The following CNTNAP5 variants were observed in gnomAD, a reference collection of about 807,000 sequenced individuals.
CNTNAP5 encodes the protein contactin-associated protein-like 5.
Under a neutral mutation model 150.2 loss-of-function variants are expected in CNTNAP5, and 72 were observed. That is an observed-to-expected ratio of 0.48 (90% CI 0.40 to 0.58). The LOEUF (loss-of-function observed/expected upper bound fraction) is 0.58, where lower values mean the gene tolerates loss of function less well. Among genes scored for constraint, CNTNAP5 ranks in the 20% least tolerant of loss-of-function variants. The probability of loss-of-function intolerance (pLI) is 0.00; values close to 1 mark genes in which losing one functional copy is unlikely to be tolerated. For synonymous variants in CNTNAP5, 672 were observed against 619.8 expected, an observed-to-expected ratio of 1.08 and a Z score of -1.25; for missense variants, 1,636 against 1,626.2, an observed-to-expected ratio of 1.01 and a Z score of -0.10.
At chr2:124,621,623 T>C (rs759588140) in intron 12 of CNTNAP5, among the ~76,000 whole-genome samples, 18 of 152,190 alleles carry the variant, frequency 1.2e-4, no homozygotes, top group Non-Finnish European at 2.2e-4. Context: ...ATCCCAGGTA[T>C]TGACATAAAG....
At position 124,527,324 on chromosome 2, in the gene CNTNAP5, C is replaced by A; in HGVS notation, c.1517C>A (p.Pro506His). 6.2e-7 allele frequency: 1 copy of A among 1,613,624 alleles called. No homozygotes were observed. The highest frequency in any genetic ancestry group is 8.5e-7 in the Non-Finnish European group (1 of 1,179,684). The change falls in exon 10 of 24, where the codon CCC (proline) becomes CAC (histidine). Residue 506 changes from proline (P) to histidine (H), a missense_variant. Coordinates refer to ENST00000682447, the MANE Select transcript of CNTNAP5 (RefSeq NM_001367498.1). ...DNLTDSQCLN[P>H]IKAFQGCMRL... ...CTCACCGATTCCCAATGTTTAAATC[C>A]CATTAAGGCTTTCCAAGGCTGCATG...
chr2:124,130,756 C>G (rs1683824915), intron 1 of CNTNAP5, among the ~76,000 whole-genome samples: 1 of 152,034 alleles, frequency 6.6e-6, no homozygotes, highest in African/African-American at 2.4e-5. Flanking sequence ...GAATATATGC[C>G]ATACTAGGCC....
chr2:124,404,928 A>G (rs1225495392), intron 3 of CNTNAP5, among the ~76,000 whole-genome samples: 3 of 152,132 alleles, frequency 2.0e-5, no homozygotes, highest in Non-Finnish European at 4.4e-5. Context: ...AGCTTTGTTA[A>G]GAATCATATG....
chr2:124,261,468 C>T (rs1025466881), intron 3 of CNTNAP5, among the ~76,000 whole-genome samples: 2 of 152,162 alleles, frequency 1.3e-5, no homozygotes, highest in East Asian at 1.9e-4. Context: ...CTGTAACTTA[C>T]ATAAAAATAT....
At chr2:124,132,861 C>G (rs1372644128) in intron 1 of CNTNAP5, among the ~76,000 whole-genome samples, 3 of 152,138 alleles carry the variant, frequency 2.0e-5, no homozygotes, top group Non-Finnish European at 4.4e-5. Flanking sequence ...CATTTCTCAG[C>G]TTACCAACTG....
rs138266790 is a variant in CNTNAP5, at chr2:124,146,195, G to A, written c.83-75510G>A. Among the ~76,000 whole-genome samples, 59 of 152,156 alleles carry A rather than the reference G, an allele frequency of 3.9e-4. No individual in the cohort carries two copies. The East Asian group carries it at 0.011, about 28-fold the overall frequency. The stretch of plus-strand genomic sequence containing the variant: ...ACACTGGGCAGGTGTCTTTACCACC[G>A]GAAGCTGCCACCTCAGCTCAGACCC... On this transcript the variant is annotated intron_variant, in intron 1 of 23. Transcript: ENST00000682447.
At chr2:124,888,779 T>A (rs532528653) in intron 21 of CNTNAP5, among the ~76,000 whole-genome samples, 1 of 152,140 alleles carries the variant, frequency 6.6e-6, no homozygotes, top group African/African-American at 2.4e-5. Flanking sequence ...TTGCCCTTTT[T>A]TTTTAGTAAG....
chr2:124,449,763 C>T (rs1276739683), intron 6 of CNTNAP5, among the ~76,000 whole-genome samples: 1 of 152,088 alleles, frequency 6.6e-6, no homozygotes, highest in African/African-American at 2.4e-5. Context: ...CCAGCTTGCT[C>T]CAATGATTAT....
chr2:124,291,544 GT>G (rs752708389), intron 3 of CNTNAP5, among the ~76,000 whole-genome samples: 1,492 of 143,996 alleles, frequency 0.01, 11 homozygotes, highest in African/African-American at 0.027. Flanking sequence ...ATTTTCTTCT[GT>G]TTTTTTTTTT....
chr2:124,632,511 C>T (rs191327588), intron 12 of CNTNAP5, among the ~76,000 whole-genome samples: 4 of 149,698 alleles, frequency 2.7e-5, no homozygotes, highest in Admixed American at 1.3e-4. Flanking sequence ...AATGAGAATA[C>T]GTGGGCACAG....
At chr2:124,661,953 C>T (rs765671601) in intron 13 of CNTNAP5, among the ~76,000 whole-genome samples, 1 of 152,026 alleles carries the variant, frequency 6.6e-6, no homozygotes, top group Non-Finnish European at 1.5e-5. Context: ...CTGCACCAGT[C>T]AGTCCATCAT....
intron 11 of CNTNAP5, among the ~76,000 whole-genome samples, chr2:124,588,734 A>G (rs1696611482): frequency 6.6e-6 from 1 of 152,168 alleles, no homozygotes; most frequent in Non-Finnish European, 1.5e-5. Context: ...CTCTACTTAT[A>G]TTTAGCAACT....
At chr2:124,031,562 G>T (rs557369763) in intron 1 of CNTNAP5, among the ~76,000 whole-genome samples, 12 of 152,232 alleles carry the variant, frequency 7.9e-5, no homozygotes, top group African/African-American at 2.9e-4. Flanking sequence ...AGCTATAGAA[G>T]CTTTCATATT....
At chr2:124,516,727 T>C (rs1573429640) in intron 8 of CNTNAP5, among the ~76,000 whole-genome samples, 1 of 152,196 alleles carries the variant, frequency 6.6e-6, no homozygotes, top group African/African-American at 2.4e-5. Context: ...CAAAGGTTCA[T>C]TGACACCTTG....
intron 19 of CNTNAP5, among the ~76,000 whole-genome samples, chr2:124,844,865 C>A (rs1327605897): frequency 1.3e-5 from 2 of 151,986 alleles, no homozygotes; most frequent in African/African-American, 4.8e-5. Flanking sequence ...ATTATGGGAG[C>A]TTTTTGGATG....
chr2:124,697,516 T>A (rs187831624), intron 13 of CNTNAP5, among the ~76,000 whole-genome samples: 3 of 152,046 alleles, frequency 2.0e-5, no homozygotes, highest in African/African-American at 7.2e-5. Flanking sequence ...TTGACTTTTT[T>A]TCTCTAGGAA....
intron 19 of CNTNAP5, among the ~76,000 whole-genome samples, chr2:124,843,159 T>C (rs1682977932): frequency 6.6e-6 from 1 of 152,106 alleles, no homozygotes; most frequent in Non-Finnish European, 1.5e-5. Flanking sequence ...CAATGTTTGG[T>C]TTTTCATTCC....
intron 11 of CNTNAP5, among the ~76,000 whole-genome samples, chr2:124,590,906 C>T (rs945197154): frequency 1.3e-5 from 2 of 152,174 alleles, no homozygotes; most frequent in African/African-American, 2.4e-5. Context: ...CTATCATTAT[C>T]TTTAATGAGA....
intron 1 of CNTNAP5, among the ~76,000 whole-genome samples, chr2:124,048,712 T>C (rs1347875): frequency 0.29 from 44,465 of 152,054 alleles, 6,864 homozygotes; most frequent in Admixed American, 0.37. Flanking sequence ...CCCTTTAACC[T>C]GATTCACCTA....
Sources: gnomAD v4.1 joint callset for allele counts (sites outside exome capture counted in the v4.1 genomes callset) on GRCh38, gnomAD v4.1.1 for gene constraint, MANE v1.5 for transcripts, NCBI Gene and HGNC (gene_info 2026-07-23, HGNC 2026-07-21) for gene names.